The following NGF variants were observed in gnomAD, a reference collection of about 807,000 sequenced individuals.
NGF encodes nerve growth factor.
Under a neutral mutation model 12.8 loss-of-function variants are expected in NGF, and 4 were observed. The ratio of observed to expected loss-of-function variants is 0.31; its 90% CI spans 0.15 to 0.72. The LOEUF (loss-of-function observed/expected upper bound fraction) is 0.72, where lower values mean the gene tolerates loss of function less well. Among genes scored for constraint, NGF ranks in the 30% least tolerant of loss-of-function variants. The pLI, the probability that NGF is intolerant of heterozygous loss-of-function variation, is 0.69. For synonymous variants in NGF, 140 were observed against 130.0 expected (o/e 1.08, Z -0.52); for missense variants, 283 against 330.8 (o/e 0.86, Z 1.12).
At chr1:115,330,843 G>A (rs1010537135) in intron 1 of NGF, among the ~76,000 whole-genome samples, 9 of 152,020 alleles carry the variant, frequency 5.9e-5, no homozygotes, top group African/African-American at 1.9e-4. Context: ...AATATTTGCC[G>A]TGCGTGTCTA....
intron 1 of NGF, among the ~76,000 whole-genome samples, chr1:115,333,300 A>C (rs1654975010): frequency 6.6e-6 from 1 of 152,138 alleles, no homozygotes; most frequent in South Asian, 2.1e-4. Context: ...GAAATTGCCC[A>C]ATGTGGAAGG....
chr1:115,288,681 A>G lies in NGF; in HGVS notation c.-12-1874T>C, dbSNP rs551714954. 3.9e-5 allele frequency among the ~76,000 whole-genome samples: 6 copies of G among 152,152 alleles called. No homozygotes were observed. The East Asian group carries it at 1.2e-3, about 29-fold the overall frequency. On this transcript the variant is annotated intron_variant, in intron 2 of 2. Coordinates refer to ENST00000369512, the MANE Select transcript of NGF (RefSeq NM_002506.3). ...CTCCTAGGGTTGTGGATAATCATTA[A>G]CTTGTCTGTCTCCCTGAGAGGGCTT...
intron 1 of NGF, among the ~76,000 whole-genome samples, chr1:115,302,512 A>T (rs1435901986): frequency 1.3e-5 from 2 of 152,204 alleles, no homozygotes; most frequent in African/African-American, 4.8e-5. Context: ...AAAGATGAAA[A>T]AAAGAAAGAA....
chr1:115,333,197 A>C (rs1214506322), intron 1 of NGF, among the ~76,000 whole-genome samples: 2 of 152,172 alleles, frequency 1.3e-5, no homozygotes, highest in Non-Finnish European at 2.9e-5. Context: ...TGACTACTGA[A>C]GGAGCAGCCA....
chr1:115,316,469 G>A (rs1423774235), intron 1 of NGF, among the ~76,000 whole-genome samples: 1 of 152,038 alleles, frequency 6.6e-6, no homozygotes, highest in African/African-American at 2.4e-5. Context: ...AAATTATATA[G>A]CTAATGATAG....
intron 1 of NGF, among the ~76,000 whole-genome samples, chr1:115,314,836 C>T (rs1477908540): frequency 6.6e-6 from 1 of 152,100 alleles, no homozygotes; most frequent in Non-Finnish European, 1.5e-5. Context: ...AGACAAATAA[C>T]AAATTAACAG....
At chr1:115,311,042 C>T (rs1654323293) in intron 1 of NGF, among the ~76,000 whole-genome samples, 1 of 152,134 alleles carries the variant, frequency 6.6e-6, no homozygotes, top group Non-Finnish European at 1.5e-5. Flanking sequence ...TTTGGGCAAA[C>T]AAGGGAGTTG....
At chr1:115,324,610 G>A (rs973794937) in intron 1 of NGF, among the ~76,000 whole-genome samples, 3 of 152,080 alleles carry the variant, frequency 2.0e-5, no homozygotes, top group Non-Finnish European at 4.4e-5. Context: ...TTGGGTCTCT[G>A]TCCTATCACA....
intron 1 of NGF, among the ~76,000 whole-genome samples, chr1:115,298,615 C>T (rs1294525819): frequency 6.6e-6 from 1 of 151,728 alleles, no homozygotes; most frequent in Non-Finnish European, 1.5e-5. Flanking sequence ...GTAGTGCAAG[C>T]TGCTCTTGGG....
At chr1:115,293,966 C>T (rs542323493) in intron 1 of NGF, among the ~76,000 whole-genome samples, 9 of 152,340 alleles carry the variant, frequency 5.9e-5, no homozygotes, top group Non-Finnish European at 1.0e-4. Flanking sequence ...CTCACTCTTG[C>T]GCCATACCTT....
At chr1:115,333,663 T>C (rs1654992259) in intron 1 of NGF, among the ~76,000 whole-genome samples, 1 of 25,172 alleles carries the variant, frequency 4.0e-5, no homozygotes, top group Non-Finnish European at 6.3e-5. Context: ...TTCTCTTTCT[T>C]TCTTTCTTTC....
At chr1:115,306,376 A>G (rs921809986) in intron 1 of NGF, among the ~76,000 whole-genome samples, 4 of 152,242 alleles carry the variant, frequency 2.6e-5, no homozygotes, top group South Asian at 2.1e-4. Context: ...TCCAGGCTTC[A>G]TGCTCTCAGC....
intron 1 of NGF, among the ~76,000 whole-genome samples, chr1:115,329,804 C>T (rs1461008058): frequency 7.3e-6 from 1 of 136,584 alleles, no homozygotes; most frequent in Non-Finnish European, 1.5e-5. Flanking sequence ...GGCTAGAGTG[C>T]AGTGGCATGA....
intron 1 of NGF, among the ~76,000 whole-genome samples, chr1:115,296,689 C>T (rs1177418306): frequency 2.6e-5 from 4 of 152,194 alleles, no homozygotes; most frequent in Non-Finnish European, 5.9e-5. Context: ...TTGATATAAG[C>T]AGTTTACTAC....
chr1:115,289,002 T>A (rs988519912), intron 2 of NGF, among the ~76,000 whole-genome samples: 1 of 152,218 alleles, frequency 6.6e-6, no homozygotes, highest in South Asian at 2.1e-4. Context: ...AAGAAGGAAA[T>A]CACCAAATTC....
At chr1:115,287,314 G>A (rs552825578) in intron 2 of NGF, among the ~76,000 whole-genome samples, 1 of 152,140 alleles carries the variant, frequency 6.6e-6, no homozygotes, top group African/African-American at 2.4e-5. Flanking sequence ...CCTCAGAACT[G>A]GGTACCCCCT....
chr1:115,336,486 C>A (rs1234011579), intron 1 of NGF, among the ~76,000 whole-genome samples: 1 of 152,156 alleles, frequency 6.6e-6, no homozygotes, highest in Non-Finnish European at 1.5e-5. Context: ...CCAGCTAGGC[C>A]AGTCTCAGCC....
At chr1:115,291,772 C>G (rs1280331615) in intron 2 of NGF, among the ~76,000 whole-genome samples, 3 of 152,208 alleles carry the variant, frequency 2.0e-5, no homozygotes, top group African/African-American at 7.2e-5. Flanking sequence ...GGTGATGGAG[C>G]TGCTGAACAG....
intron 1 of NGF, among the ~76,000 whole-genome samples, chr1:115,327,273 T>G (rs2101052654): frequency 6.6e-6 from 1 of 152,356 alleles, no homozygotes; most frequent in South Asian, 2.1e-4. Context: ...ATAAAGATGC[T>G]TTAAAAAGAA....
Sources: gnomAD v4.1 joint callset for allele counts (sites outside exome capture counted in the v4.1 genomes callset) on GRCh38, gnomAD v4.1.1 for gene constraint, MANE v1.5 for transcripts, NCBI Gene and HGNC (gene_info 2026-07-23, HGNC 2026-07-21) for gene names.